LANCL2: variants seen among roughly 807,000 people sequenced by gnomAD.
The protein encoded by LANCL2 is lanC-like protein 2.
A neutral mutation model predicts 56.9 loss-of-function variants in LANCL2; 33 were observed. The ratio of observed to expected loss-of-function variants is 0.58; its 90% CI spans 0.44 to 0.78. The LOEUF is 0.78. LANCL2 is among the 30% of genes least tolerant of loss of function. The pLI is 0.00. For missense variants in LANCL2, 562 were observed against 580.2 expected (o/e 0.97, Z 0.32); for synonymous variants, 233 against 228.2 (o/e 1.02, Z -0.19).
At chr7:55,419,173 T>A (rs1790578243) in intron 6 of LANCL2, among the ~76,000 whole-genome samples, 1 of 152,118 alleles carries the variant, frequency 6.6e-6, no homozygotes, top group African/African-American at 2.4e-5. Context: ...AGAAAGATTT[T>A]GTGTACAATT....
intron 2 of LANCL2, among the ~76,000 whole-genome samples, chr7:55,396,708 CCT>C (rs959747480): frequency 3.7e-4 from 17 of 45,482 alleles, no homozygotes; most frequent in Non-Finnish European, 7.3e-4. Context: ...AGCATGATGA[CCT>C]TTTTTTTTTT....
chr7:55,421,206 T>G (rs1790604465), intron 6 of LANCL2, among the ~76,000 whole-genome samples: 1 of 152,030 alleles, frequency 6.6e-6, no homozygotes, highest in Non-Finnish European at 1.5e-5. Flanking sequence ...GATTCAGCTC[T>G]GCCATTTTAA....
At position 55,400,825 on chromosome 7, in the gene LANCL2, G is replaced by A. The variant is rs182941815; in HGVS notation, c.679-349G>A. On this transcript the variant is annotated intron_variant, in intron 4 of 8. Coordinates refer to ENST00000254770, the MANE Select transcript of LANCL2 (RefSeq NM_018697.4). Reference sequence around the variant, plus strand: ...CTCCAGCCTTTCCTGATAGGTGTATGTGCTGCTCTTTTGGGAAAAATACTG... The same window carrying A: ...CTCCAGCCTTTCCTGATAGGTGTATATGCTGCTCTTTTGGGAAAAATACTG... 1.9e-3 allele frequency among the ~76,000 whole-genome samples: 295 copies of A among 152,254 alleles called. 2 individuals are homozygous for A. Among genetic ancestry groups the A allele is most frequent in the Middle Eastern group, 3.4e-3 (1 of 294 alleles).
At chr7:55,399,402 G>A (rs1790294958) in intron 3 of LANCL2, among the ~76,000 whole-genome samples, 1 of 148,524 alleles carries the variant, frequency 6.7e-6, no homozygotes, top group Non-Finnish European at 1.5e-5. Context: ...GGAGTGCAAT[G>A]GCGCGATCTC....
chr7:55,397,923 T>C (rs778998580), intron 2 of LANCL2, among the ~76,000 whole-genome samples: 1 of 152,124 alleles, frequency 6.6e-6, no homozygotes, highest in African/African-American at 2.4e-5. Context: ...GTTGTAGGGT[T>C]GTTCACTAAA....
At chr7:55,401,395 C>T (rs540226805) in intron 5 of LANCL2, 75 bp downstream of exon 5, 137 of 1,339,678 alleles carry the variant, frequency 1.0e-4, no homozygotes, top group Non-Finnish European at 1.4e-4. Context: ...TGCATATAAA[C>T]AAAGCAGTCT....
chr7:55,376,751 A>C (rs1790007705), intron 1 of LANCL2, among the ~76,000 whole-genome samples: 1 of 152,250 alleles, frequency 6.6e-6, no homozygotes, highest in Non-Finnish European at 1.5e-5. Context: ...TATTATATGC[A>C]ATCATAATTA....
At chr7:55,417,192 G>T (rs1790553509) in intron 6 of LANCL2, among the ~76,000 whole-genome samples, 1 of 151,896 alleles carries the variant, frequency 6.6e-6, no homozygotes, top group African/African-American at 2.4e-5. Context: ...TGTTAGCCGG[G>T]ATGGTCTCTA....
chr7:55,366,070 G>A lies in LANCL2; in HGVS notation c.45G>A (p.Gly15=), dbSNP rs1458338699. Residue 15 remains glycine, a synonymous_variant, in exon 1 of 9, where the codon GGG becomes GGA. Transcript: ENST00000254770. ...AGAGGCTGAAGCTCCACCTGGGAGG[G>A]GAGGCAGAAATGGAGGAACGGGCGT... The part of the protein sequence containing the change: ...MSKRLKLHLG[G]EAEMEERAFV... The A allele has an allele frequency of 1.3e-6, 2 of 1,528,626 alleles. No individual in the cohort carries two copies. Among genetic ancestry groups the A allele is most frequent in the Admixed American group, 2.0e-5 (1 of 49,398 alleles). 94.7% of individuals were successfully genotyped at this position (1,528,626 alleles called of 1,614,324 possible). A position where few individuals can be genotyped will look rare whatever the true frequency, so the allele number is the denominator to read the frequency against.
intron 5 of LANCL2, among the ~76,000 whole-genome samples, chr7:55,403,336 G>A (rs1163415261): frequency 6.6e-6 from 1 of 152,056 alleles, no homozygotes; most frequent in Non-Finnish European, 1.5e-5. Flanking sequence ...GCAGGCACTC[G>A]GCAGGCTGAG....
At position 55,403,335 on chromosome 7, in the gene LANCL2, C is replaced by A. The variant is rs1292570858; in HGVS notation, c.825+2015C>A. On this transcript the variant is annotated intron_variant, in intron 5 of 8. Transcript: ENST00000254770. ...GCGCGCGCCTGCAATCGCAGGCACT[C>A]GGCAGGCTGAGGCAGGAGAATCAGG... is the stretch of plus-strand genomic sequence containing the variant. Among the ~76,000 whole-genome samples, 9 of 152,068 alleles carry A rather than the reference C, an allele frequency of 5.9e-5. No individual in the cohort carries two copies. In the East Asian group the frequency reaches 1.7e-3, roughly 29 times the overall value.
intron 1 of LANCL2, chr7:55,379,815 A>C (rs1376561735): frequency 6.6e-6 from 1 of 152,480 alleles, no homozygotes. Flanking sequence ...GGGAATGGCA[A>C]ATCCAGAAAG....
At chr7:55,387,182 T>A (rs1790134870) in intron 1 of LANCL2, among the ~76,000 whole-genome samples, 1 of 151,702 alleles carries the variant, frequency 6.6e-6, no homozygotes, top group Admixed American at 6.6e-5. Flanking sequence ...ACAGGAAGAG[T>A]GTGTTTAGGG....
intron 6 of LANCL2, among the ~76,000 whole-genome samples, chr7:55,418,241 G>A (rs1036086642): frequency 2.6e-5 from 4 of 151,720 alleles, no homozygotes; most frequent in African/African-American, 9.7e-5. Context: ...AAGTGCAGTG[G>A]TGTGATCACG....
chr7:55,385,183 G>A (rs191404414), intron 1 of LANCL2, among the ~76,000 whole-genome samples: 83 of 152,030 alleles, frequency 5.5e-4, no homozygotes, highest in African/African-American at 1.4e-3. Context: ...GTGAAACCCC[G>A]TCTGAAAAAA....
At chr7:55,384,143 A>G (rs1790099282) in intron 1 of LANCL2, among the ~76,000 whole-genome samples, 1 of 152,240 alleles carries the variant, frequency 6.6e-6, no homozygotes, top group Non-Finnish European at 1.5e-5. Flanking sequence ...ATTACATCAA[A>G]CCATCCAGCT....
intron 5 of LANCL2, among the ~76,000 whole-genome samples, chr7:55,410,236 G>A (rs926929118): frequency 6.6e-6 from 1 of 152,194 alleles, no homozygotes; most frequent in Non-Finnish European, 1.5e-5. Context: ...AAGTGGTTCT[G>A]TATTGATTAC....
intron 6 of LANCL2, among the ~76,000 whole-genome samples, chr7:55,416,456 C>A (rs1389473346): frequency 6.6e-6 from 1 of 151,856 alleles, no homozygotes; most frequent in Non-Finnish European, 1.5e-5. Flanking sequence ...CTGGCTAAAT[C>A]TTTTTATTTT....
chr7:55,404,700 G>T (rs1160707533), intron 5 of LANCL2, among the ~76,000 whole-genome samples: 1 of 151,494 alleles, frequency 6.6e-6, no homozygotes, highest in East Asian at 1.9e-4. Context: ...TGCAACCTCC[G>T]CCTCCTGGGT....
Sources: gnomAD v4.1 joint callset for allele counts (sites outside exome capture counted in the v4.1 genomes callset) on GRCh38, gnomAD v4.1.1 for gene constraint, MANE v1.5 for transcripts, NCBI Gene and HGNC (gene_info 2026-07-23, HGNC 2026-07-21) for gene names.